The following DTWD2 variants were observed in gnomAD, a reference collection of about 807,000 sequenced individuals.
The protein encoded by DTWD2 is DTW motif tRNA-uridine aminocarboxypropyltransferase 2.
A neutral mutation model predicts 31.8 loss-of-function variants in DTWD2; 39 were observed. The observed-to-expected ratio is 1.22, with a 90% CI of 0.95 to 1.60. The LOEUF is 1.60. Ranked by LOEUF, DTWD2 falls within the 40% of genes most tolerant of loss-of-function variation. The pLI, the probability that DTWD2 is intolerant of heterozygous loss-of-function variation, is 0.00. For missense variants in DTWD2, 515 were observed against 381.5 expected (o/e 1.35, Z -2.92); for synonymous variants, 180 against 142.8 (o/e 1.26, Z -1.86).
At chr5:118,953,182 A>C (rs1217616945) in intron 1 of DTWD2, among the ~76,000 whole-genome samples, 1 of 152,214 alleles carries the variant, frequency 6.6e-6, no homozygotes, top group African/African-American at 2.4e-5. Context: ...GGTGGTGATG[A>C]TGCTGCTAGT....
At chr5:118,849,586 T>C (rs867416133) in intron 4 of DTWD2, among the ~76,000 whole-genome samples, 10 of 152,216 alleles carry the variant, frequency 6.6e-5, no homozygotes, top group African/African-American at 1.2e-4. Context: ...CATATGTTTA[T>C]TGCAGCATTA....
chr5:118,851,556 T>A (rs1752005733), intron 4 of DTWD2, among the ~76,000 whole-genome samples: 1 of 151,412 alleles, frequency 6.6e-6, no homozygotes, highest in African/African-American at 2.4e-5. Flanking sequence ...AAGGACAAAA[T>A]CGGGAACTCC....
At chr5:118,891,615 C>T (rs1752979145) in intron 4 of DTWD2, among the ~76,000 whole-genome samples, 1 of 152,206 alleles carries the variant, frequency 6.6e-6, no homozygotes, top group Non-Finnish European at 1.5e-5. Flanking sequence ...AGTCTCATAA[C>T]ATAGCTCACT....
intron 3 of DTWD2, among the ~76,000 whole-genome samples, chr5:118,934,785 G>C (rs941297789): frequency 3.3e-5 from 5 of 152,152 alleles, no homozygotes; most frequent in African/African-American, 1.2e-4. Context: ...AACAGAGATT[G>C]TTAGATTAAA....
chr5:118,911,040 G>T (rs983719022), intron 4 of DTWD2, among the ~76,000 whole-genome samples: 1 of 152,062 alleles, frequency 6.6e-6, no homozygotes. Flanking sequence ...ATTTTGAAGA[G>T]ACATAAAAAT....
intron 5 of DTWD2, among the ~76,000 whole-genome samples, chr5:118,842,711 T>C (rs888573241): frequency 6.6e-6 from 1 of 151,862 alleles, no homozygotes. Context: ...TGCAGGAGGA[T>C]TGCTTGAGCC....
At chr5:118,854,514 GAAA>G (rs144467780) in intron 4 of DTWD2, among the ~76,000 whole-genome samples, 1 of 147,424 alleles carries the variant, frequency 6.8e-6, no homozygotes, top group Non-Finnish European at 1.5e-5. Context: ...CACTCATTTA[GAAA>G]AAAAAAATTC....
intron 1 of DTWD2, chr5:118,974,241 C>A (rs1387334222): frequency 2.2e-6 from 2 of 925,944 alleles, no homozygotes; most frequent in Non-Finnish European, 3.4e-6. Flanking sequence ...CCCGCCCGCC[C>A]ACCGTGGACA....
At position 118,988,244 on chromosome 5, in the gene DTWD2, C is replaced by T. The variant is rs1377650152; in HGVS notation, c.218+50G>A. Reference sequence around the variant, plus strand: ...CCCCGGCAGGGGGCGCCGCACCCTCCTCCGAAGGCCGCTGCCGGCTGCAGT... The same window carrying T: ...CCCCGGCAGGGGGCGCCGCACCCTCTTCCGAAGGCCGCTGCCGGCTGCAGT... On this transcript the variant is annotated intron_variant, in intron 1 of 5. Coordinates refer to ENST00000510708, the MANE Select transcript of DTWD2 (RefSeq NM_173666.4). 2.0e-6 allele frequency: 3 copies of T among 1,531,188 alleles called. No homozygotes were observed. In the South Asian group the frequency reaches 3.6e-5, roughly 18 times the overall value. 94.9% of individuals were successfully genotyped at this position (1,531,188 alleles called of 1,614,324 possible).
chr5:118,852,782 T>C (rs1752041224), intron 4 of DTWD2, among the ~76,000 whole-genome samples: 1 of 152,170 alleles, frequency 6.6e-6, no homozygotes. Context: ...TACTTGTATG[T>C]TGACTGCAGC....
At chr5:118,986,233 G>T (rs1328632547) in intron 1 of DTWD2, among the ~76,000 whole-genome samples, 3 of 152,128 alleles carry the variant, frequency 2.0e-5, no homozygotes, top group Admixed American at 2.0e-4. Context: ...TGGGGGATAG[G>T]AAAGGTATTC....
chr5:118,877,997 G>C (rs1035302661), intron 4 of DTWD2, among the ~76,000 whole-genome samples: 132 of 152,220 alleles, frequency 8.7e-4, no homozygotes, highest in African/African-American at 3.1e-3. Flanking sequence ...GGAGGTGAAA[G>C]ATCTCTACAA....
intron 4 of DTWD2, among the ~76,000 whole-genome samples, chr5:118,877,477 T>TA (rs937738249): frequency 1.4e-4 from 20 of 147,834 alleles, no homozygotes; most frequent in Non-Finnish European, 2.4e-4. Flanking sequence ...GTCTCAAAAA[T>TA]AAAAAAAATA....
chr5:118,938,953 T>C (rs1057431369), intron 3 of DTWD2, among the ~76,000 whole-genome samples: 1 of 152,118 alleles, frequency 6.6e-6, no homozygotes. Flanking sequence ...TACATTACTA[T>C]GAAATTCAGA....
At chr5:118,916,933 G>A (rs929600522) in intron 4 of DTWD2, among the ~76,000 whole-genome samples, 2 of 151,958 alleles carry the variant, frequency 1.3e-5, no homozygotes, top group African/African-American at 4.8e-5. Flanking sequence ...GACCCCATTA[G>A]AACTACAACT....
chr5:118,982,489 C>T (rs1286676104), intron 1 of DTWD2, among the ~76,000 whole-genome samples: 1 of 152,052 alleles, frequency 6.6e-6, no homozygotes, highest in Non-Finnish European at 1.5e-5. Flanking sequence ...TAGCTTTCCA[C>T]ATATATTATG....
chr5:118,912,462 C>T (rs1477775579), intron 4 of DTWD2, among the ~76,000 whole-genome samples: 1 of 152,256 alleles, frequency 6.6e-6, no homozygotes, highest in African/African-American at 2.4e-5. Context: ...CCTATCTTGA[C>T]CCATTCTGTT....
chr5:118,913,450 C>T (rs963293772), intron 4 of DTWD2, among the ~76,000 whole-genome samples: 41 of 146,346 alleles, frequency 2.8e-4, no homozygotes, highest in African/African-American at 9.4e-4. Context: ...CACACACACA[C>T]GTGTGTGTGT....
intron 4 of DTWD2, among the ~76,000 whole-genome samples, chr5:118,883,078 C>A (rs1467848312): frequency 6.6e-6 from 1 of 152,218 alleles, no homozygotes; most frequent in Non-Finnish European, 1.5e-5. Flanking sequence ...AGAATACCTA[C>A]ATCCTGAATG....
Sources: allele counts gnomAD v4.1 joint callset (sites outside exome capture counted in the v4.1 genomes callset), GRCh38; gene constraint gnomAD v4.1.1; transcripts MANE v1.5; gene names NCBI Gene and HGNC (gene_info 2026-07-23, HGNC 2026-07-21).